CSNK1G2: variants seen among roughly 807,000 people sequenced by gnomAD.
The protein encoded by CSNK1G2 is casein kinase I isoform gamma-2.
In CSNK1G2, 11 loss-of-function variants were observed where a neutral mutation model predicts 48.0. The observed-to-expected ratio is 0.23, with a 90% CI of 0.14 to 0.38. The LOEUF (loss-of-function observed/expected upper bound fraction) is 0.38, where lower values mean the gene tolerates loss of function less well. CSNK1G2 is among the 10% of genes least tolerant of loss of function. The probability of loss-of-function intolerance (pLI) is 1.00; values close to 1 mark genes in which losing one functional copy is unlikely to be tolerated. For synonymous variants in CSNK1G2, 337 were observed against 254.1 expected (o/e 1.33, Z -3.10); for missense variants, 446 against 595.5 (o/e 0.75, Z 2.61).
chr19:1,979,672 G>T, intron 9 of CSNK1G2, 29 bp downstream of exon 9: 1 of 1,601,490 alleles, frequency 6.2e-7, no homozygotes. Flanking sequence ...GTATGTGGGA[G>T]CGGGGGACCG....
At chr19:1,973,336 T>C (rs1347319923) in intron 2 of CSNK1G2, among the ~76,000 whole-genome samples, 1 of 152,098 alleles carries the variant, frequency 6.6e-6, no homozygotes, top group Non-Finnish European at 1.5e-5. Context: ...CAATTCTGCC[T>C]CAGCCTCCCA....
At chr19:1,943,178 C>A (rs917459462) in intron 1 of CSNK1G2, among the ~76,000 whole-genome samples, 2 of 152,170 alleles carry the variant, frequency 1.3e-5, no homozygotes, top group Admixed American at 1.3e-4. Flanking sequence ...TGGCTCTGTT[C>A]CCTTCACCCC....
chr19:1,973,211 G>A (rs2015635516), intron 2 of CSNK1G2, among the ~76,000 whole-genome samples: 1 of 151,668 alleles, frequency 6.6e-6, no homozygotes, highest in South Asian at 2.1e-4. Flanking sequence ...ACAGGCGTGA[G>A]CCACCGCGCC....
intron 2 of CSNK1G2, chr19:1,975,690 A>G (rs963598917): frequency 4.1e-6 from 4 of 982,574 alleles, no homozygotes; most frequent in South Asian, 9.4e-5. Flanking sequence ...TTCAGGGGGC[A>G]GTGTCCTGAG....
At chr19:1,974,935 G>A (rs556615749) in intron 2 of CSNK1G2, among the ~76,000 whole-genome samples, 11 of 152,270 alleles carry the variant, frequency 7.2e-5, no homozygotes, top group Admixed American at 4.6e-4. Flanking sequence ...CATGCATCGC[G>A]AGTACTGCCG....
chr19:1,978,372 C>A lies in CSNK1G2; in HGVS notation c.228+27C>A. 6.2e-7 allele frequency: 1 copy of A among 1,612,630 alleles called. No individual in the cohort carries two copies. Among genetic ancestry groups the A allele is most frequent in the East Asian group, 2.2e-5 (1 of 44,868 alleles). On this transcript the variant is annotated intron_variant, in intron 3 of 11. Transcript: ENST00000255641. The surrounding 1 kb of genome is among the most constrained non-coding windows in gnomAD (Gnocchi z 7.3). The stretch of plus-strand genomic sequence containing the variant: ...TGAGTCGGCCCCTCCACCCCACCCC[C>A]GCTGACGTGCCCCCCAGGGATTTCA...
At chr19:1,972,228 G>T (rs759687680) in intron 2 of CSNK1G2, among the ~76,000 whole-genome samples, 4 of 152,214 alleles carry the variant, frequency 2.6e-5, no homozygotes, top group Non-Finnish European at 5.9e-5. Context: ...TGCTCCCAGC[G>T]CAGGGACGCT....
intron 2 of CSNK1G2, among the ~76,000 whole-genome samples, chr19:1,977,151 C>T (rs1414355490): frequency 2.0e-5 from 3 of 152,244 alleles, no homozygotes; most frequent in Non-Finnish European, 4.4e-5. Context: ...CCACATGGTG[C>T]CCTGTCATGC....
At chr19:1,945,283 C>T (rs564296458) in intron 1 of CSNK1G2, among the ~76,000 whole-genome samples, 52 of 152,342 alleles carry the variant, frequency 3.4e-4, no homozygotes, top group African/African-American at 1.2e-3. Flanking sequence ...CAGGCTCCCC[C>T]GGCAGCACTC....
At chr19:1,972,555 A>C (rs1221533353) in intron 2 of CSNK1G2, among the ~76,000 whole-genome samples, 1 of 152,002 alleles carries the variant, frequency 6.6e-6, no homozygotes, top group Non-Finnish European at 1.5e-5. Context: ...TACTTTTTCA[A>C]ATTAACTTTG....
At chr19:1,976,153 T>G (rs1478159938) in intron 2 of CSNK1G2, 2 of 1,234,076 alleles carry the variant, frequency 1.6e-6, no homozygotes, top group East Asian at 1.1e-4. Context: ...GTTGGGTGTT[T>G]GGGGCACGGC....
At chr19:1,975,996 G>T (rs1182474439) in intron 2 of CSNK1G2, 4 of 1,134,382 alleles carry the variant, frequency 3.5e-6, no homozygotes, top group Non-Finnish European at 4.7e-6. Context: ...GATCGCGCCA[G>T]TGCACTCCAG....
In CSNK1G2 at chr19:1,979,049, C is replaced by T; in HGVS notation, c.638C>T (p.Thr213Met). 1.3e-6 allele frequency: 2 copies of T among 1,597,930 alleles called. No homozygotes were observed. Among genetic ancestry groups the T allele is most frequent in the Non-Finnish European group, 8.5e-7 (1 of 1,179,174 alleles). The change falls in exon 6 of 12, where the codon ACG becomes ATG. Residue 213 changes from threonine to methionine, a missense_variant. Coordinates refer to ENST00000255641, the MANE Select transcript of CSNK1G2 (RefSeq NM_001319.7). ...CCGTACCGCGAGCACAAGAGCCTGA[C>T]GGGCACGGCGCGCTACATGAGCATC... Reference protein sequence around the residue: ...HIPYREHKSLTGTARYMSINT... With the variant: ...HIPYREHKSLMGTARYMSINT...
intron 2 of CSNK1G2, among the ~76,000 whole-genome samples, chr19:1,974,313 AG>A (rs2015677916): frequency 6.6e-6 from 1 of 152,122 alleles, no homozygotes; most frequent in African/African-American, 2.4e-5. Context: ...GCATGGTGGA[AG>A]GCAGGACGGC....
At chr19:1,962,367 G>A (rs2015227272) in intron 1 of CSNK1G2, among the ~76,000 whole-genome samples, 1 of 151,276 alleles carries the variant, frequency 6.6e-6, no homozygotes, top group Non-Finnish European at 1.5e-5. Flanking sequence ...CAGCATGGCT[G>A]TGCCCAGAAG....
At chr19:1,946,094 C>T (rs1242607105) in intron 1 of CSNK1G2, among the ~76,000 whole-genome samples, 1 of 152,132 alleles carries the variant, frequency 6.6e-6, no homozygotes, top group African/African-American at 2.4e-5. Flanking sequence ...AAGTGCATCC[C>T]GTGGCCTATC....
chr19:1,947,170 C>T (rs2014594521), intron 1 of CSNK1G2, among the ~76,000 whole-genome samples: 1 of 152,172 alleles, frequency 6.6e-6, no homozygotes, highest in Non-Finnish European at 1.5e-5. Context: ...TAAAGGTAAT[C>T]CCTCAATTAT....
chr19:1,943,269 A>G (rs929914798), intron 1 of CSNK1G2, among the ~76,000 whole-genome samples: 2 of 152,120 alleles, frequency 1.3e-5, no homozygotes, highest in Non-Finnish European at 2.9e-5. Flanking sequence ...TTGTGTGTCT[A>G]GGGGCTTCCT....
chr19:1,948,172 C>A (rs1413012496), intron 1 of CSNK1G2, among the ~76,000 whole-genome samples: 2 of 152,312 alleles, frequency 1.3e-5, no homozygotes, highest in Non-Finnish European at 2.9e-5. Context: ...CGGGCCCTGT[C>A]CCTCCCCCTC....
Sources: gnomAD v4.1 joint callset for allele counts (sites outside exome capture counted in the v4.1 genomes callset) on GRCh38, gnomAD v4.1.1 for gene constraint, Gnocchi (gnomAD v3.1) non-coding constraint, MANE v1.5 for transcripts, NCBI Gene and HGNC (gene_info 2026-07-23, HGNC 2026-07-21) for gene names.